The following INTS4 variants were observed in gnomAD, a reference collection of about 807,000 sequenced individuals.
INTS4 encodes integrator complex subunit 4, also known as MSTP093.
In INTS4, 70 loss-of-function variants were observed where a neutral mutation model predicts 119.5. The observed-to-expected ratio is 0.59, with a 90% CI of 0.48 to 0.71. INTS4 has a LOEUF of 0.71. INTS4 is among the 30% of genes least tolerant of loss of function. The pLI is 0.00. For synonymous variants in INTS4, 316 were observed against 419.6 expected, an observed-to-expected ratio of 0.75 and a Z score of 3.02; for missense variants, 867 against 1,173.2, an observed-to-expected ratio of 0.74 and a Z score of 3.81.
At chr11:77,911,831 T>G (rs1953093961) in intron 15 of INTS4, among the ~76,000 whole-genome samples, 1 of 152,152 alleles carries the variant, frequency 6.6e-6, no homozygotes, top group African/African-American at 2.4e-5. Flanking sequence ...ATCCTCACAA[T>G]ATGAATTGCA....
chr11:77,959,017 A>C (rs548891761), intron 6 of INTS4, among the ~76,000 whole-genome samples, 183 bp from the exon 7 acceptor site: 1 of 152,344 alleles, frequency 6.6e-6, no homozygotes, highest in South Asian at 2.1e-4. Context: ...CTCTGGCTGT[A>C]TTCTGACTAT....
intron 10 of INTS4, among the ~76,000 whole-genome samples, chr11:77,930,260 T>C (rs1300512227): frequency 6.6e-6 from 1 of 152,232 alleles, no homozygotes; most frequent in African/African-American, 2.4e-5. Context: ...CAATTTCCTC[T>C]TTGTATAAAG....
intron 8 of INTS4, among the ~76,000 whole-genome samples, chr11:77,949,427 A>C (rs1315292256): frequency 6.6e-6 from 1 of 151,992 alleles, no homozygotes; most frequent in African/African-American, 2.4e-5. Context: ...CAGAGTGAAC[A>C]AGCAACCTAC....
intron 4 of INTS4, among the ~76,000 whole-genome samples, chr11:77,975,994 AAC>A (rs1855937497): frequency 6.6e-6 from 1 of 152,046 alleles, no homozygotes; most frequent in Non-Finnish European, 1.5e-5. Context: ...ATTTAAAAAA[AAC>A]ACACACACAC....
At chr11:77,885,833 A>C (rs937789032) in intron 21 of INTS4, among the ~76,000 whole-genome samples, 1 of 151,888 alleles carries the variant, frequency 6.6e-6, no homozygotes, top group African/African-American at 2.4e-5. Flanking sequence ...AAAAAGAAAG[A>C]AAGAAAGAAA....
At chr11:77,912,895 C>G (rs1284443723) in intron 15 of INTS4, among the ~76,000 whole-genome samples, 1 of 152,202 alleles carries the variant, frequency 6.6e-6, no homozygotes. Flanking sequence ...ACTAAAAAAT[C>G]CCATGTTCTT....
chr11:77,934,980 C>T (rs1439922712), intron 10 of INTS4, among the ~76,000 whole-genome samples: 4 of 152,228 alleles, frequency 2.6e-5, no homozygotes, highest in Admixed American at 2.0e-4. Flanking sequence ...CACAGGTCTC[C>T]GGCACAAATT....
intron 1 of INTS4, among the ~76,000 whole-genome samples, chr11:77,994,260 A>G (rs188305185): frequency 6.6e-6 from 1 of 152,300 alleles, no homozygotes; most frequent in African/African-American, 2.4e-5. Flanking sequence ...GGAAGGCTCA[A>G]TGTCCACATC....
chr11:77,967,134 A>G (rs568891426), intron 4 of INTS4, among the ~76,000 whole-genome samples: 3 of 152,266 alleles, frequency 2.0e-5, no homozygotes, highest in East Asian at 3.9e-4. Flanking sequence ...TTGACCATCT[A>G]TATGTCTTCT....
chr11:77,878,476 T>C (rs1033281070), downstream of INTS4, among the ~76,000 whole-genome samples: 2 of 151,944 alleles, frequency 1.3e-5, no homozygotes, highest in African/African-American at 4.8e-5. Context: ...GGTTAACACA[T>C]GTTTAAGGTC....
chr11:77,921,291 C>T (rs1565245836), intron 14 of INTS4, 49 bp downstream of exon 14: 5 of 1,597,812 alleles, frequency 3.1e-6, no homozygotes, highest in Admixed American at 1.7e-5. Flanking sequence ...CAAAAATAAC[C>T]CTACCCCATG....
intron 19 of INTS4, 87 bp from the exon 20 acceptor site, chr11:77,891,927 A>G: frequency 1.3e-6 from 2 of 1,582,620 alleles, no homozygotes; most frequent in Non-Finnish European, 1.7e-6. Flanking sequence ...CAAACCCTGA[A>G]GTAGGAAGAA....
At chr11:77,981,190 C>CAAAAAAAAAAAAAAAAAAAG (rs1856201281) in intron 3 of INTS4, among the ~76,000 whole-genome samples, 5 of 88,860 alleles carry the variant, frequency 5.6e-5, no homozygotes, top group East Asian at 3.3e-4. Flanking sequence ...AACAAACAAG[C>CAAAAAAAAAAAAAAAAAAAG]AAAAAAAAAA....
In INTS4 at chr11:77,994,511, C is replaced by T. The variant is rs547247773; in HGVS notation, c.54+79G>A. 28 of 1,143,174 alleles carry T rather than the reference C, an allele frequency of 2.4e-5. No individual in the cohort carries two copies. The African/African-American group carries it at 4.1e-4, about 17-fold the overall frequency. 70.8% of individuals were successfully genotyped at this position (1,143,174 alleles called of 1,614,324 possible). The stretch of plus-strand genomic sequence containing the variant: ...TTAACACGGGCGTATGGAGCCTCTT[C>T]TGTTCCGGCAAAGTGCCTGGGATTT... On this transcript the variant is annotated intron_variant, in intron 1 of 22. Coordinates refer to ENST00000534064, the MANE Select transcript of INTS4 (RefSeq NM_033547.4).
chr11:77,921,303 A>C, intron 14 of INTS4, 37 bp downstream of exon 14: 2 of 1,604,352 alleles, frequency 1.2e-6, no homozygotes, highest in Non-Finnish European at 8.5e-7. Flanking sequence ...TACCCCATGC[A>C]AAATAAAAAC....
intron 8 of INTS4, among the ~76,000 whole-genome samples, chr11:77,947,553 C>A (rs1348834265): frequency 6.6e-6 from 1 of 152,180 alleles, no homozygotes; most frequent in African/African-American, 2.4e-5. Context: ...ATCATAAAAA[C>A]ACACAAAAGT....
chr11:77,982,117 A>G (rs189646133), intron 2 of INTS4, among the ~76,000 whole-genome samples: 20 of 151,164 alleles, frequency 1.3e-4, no homozygotes, highest in African/African-American at 4.4e-4. Flanking sequence ...CACCAGAAAG[A>G]ATCTTTCATT....
At chr11:77,903,365 G>T (rs557180259) in intron 17 of INTS4, among the ~76,000 whole-genome samples, 175 bp downstream of exon 17, 12 of 148,506 alleles carry the variant, frequency 8.1e-5, no homozygotes, top group South Asian at 2.2e-4. Context: ...GCTTACCTGT[G>T]TTGCTGCTGC....
chr11:77,993,757 T>G (rs796657387), intron 1 of INTS4, among the ~76,000 whole-genome samples: 26 of 152,272 alleles, frequency 1.7e-4, no homozygotes, highest in African/African-American at 6.0e-4. Context: ...GATCTAAGAA[T>G]GCAACCAATG....
Sources: allele counts gnomAD v4.1 joint callset (sites outside exome capture counted in the v4.1 genomes callset), GRCh38; gene constraint gnomAD v4.1.1; transcripts MANE v1.5; gene names NCBI Gene and HGNC (gene_info 2026-07-23, HGNC 2026-07-21).